The following OSBPL1A variants were observed in gnomAD, a reference collection of about 807,000 sequenced individuals.
The protein encoded by OSBPL1A is oxysterol-binding protein-related protein 1.
Under a neutral mutation model 137.1 loss-of-function variants are expected in OSBPL1A, and 80 were observed. The ratio of observed to expected loss-of-function variants is 0.58; its 90% CI spans 0.49 to 0.70. The LOEUF is 0.70. Among genes scored for constraint, OSBPL1A ranks in the 30% least tolerant of loss-of-function variants. OSBPL1A has a pLI of 0.00. For missense variants in OSBPL1A, 970 were observed against 1,129.4 expected (o/e 0.86, Z 2.02); for synonymous variants, 365 against 389.7 (o/e 0.94, Z 0.75).
chr18:24,329,631 T>C (rs2091041172), intron 7 of OSBPL1A, among the ~76,000 whole-genome samples: 1 of 151,558 alleles, frequency 6.6e-6, no homozygotes, highest in South Asian at 2.1e-4. Flanking sequence ...GGATATAACA[T>C]ACCAGTTAAT....
intron 17 of OSBPL1A, among the ~76,000 whole-genome samples, chr18:24,197,786 C>CTTTTTTTTTTT (rs1043369707): frequency 5.7e-5 from 7 of 122,806 alleles, no homozygotes; most frequent in Non-Finnish European, 8.5e-5. Context: ...CTTTTCTTTT[C>CTTTTTTTTTTT]TTTTTTTTTT....
At chr18:24,386,006 A>ACAAGGATCCTGG (rs1261194550) in intron 1 of OSBPL1A, among the ~76,000 whole-genome samples, 1 of 152,158 alleles carries the variant, frequency 6.6e-6, no homozygotes, top group Non-Finnish European at 1.5e-5. Flanking sequence ...GGCAGGAAAG[A>ACAAGGATCCTGG]CGGCAAGGAT....
At chr18:24,382,533 T>C (rs1332655775) in intron 1 of OSBPL1A, among the ~76,000 whole-genome samples, 1 of 151,532 alleles carries the variant, frequency 6.6e-6, no homozygotes, top group Non-Finnish European at 1.5e-5. Flanking sequence ...GCCAAGATCA[T>C]GCCACTGCAC....
At chr18:24,252,600 A>C (rs1404251934) in intron 15 of OSBPL1A, among the ~76,000 whole-genome samples, 1 of 152,216 alleles carries the variant, frequency 6.6e-6, no homozygotes, top group Non-Finnish European at 1.5e-5. Flanking sequence ...AATCTGAAAA[A>C]GGACATTAAC....
chr18:24,165,160 A>G lies in OSBPL1A; in HGVS notation c.2660-5T>C, dbSNP rs762208764. ...TTTTTTCTTCACTAGCTTGATCTAAAATAAGAACATCAACACAAACCATTA... is the reference window on the plus strand; with the variant it reads ...TTTTTTCTTCACTAGCTTGATCTAAGATAAGAACATCAACACAAACCATTA... On this transcript the variant is annotated splice_region_variant and splice_polypyrimidine_tract_variant and intron_variant, in intron 26 of 27. Coordinates refer to ENST00000319481, the MANE Select transcript of OSBPL1A (RefSeq NM_080597.4). The G allele has an allele frequency of 1.9e-5, 30 of 1,613,570 alleles. No individual in the cohort carries two copies. In the South Asian group the frequency reaches 2.4e-4, roughly 13 times the overall value.
At chr18:24,230,555 T>A (rs749665297) in intron 16 of OSBPL1A, among the ~76,000 whole-genome samples, 2 of 152,154 alleles carry the variant, frequency 1.3e-5, no homozygotes, top group Non-Finnish European at 2.9e-5. Flanking sequence ...CTTACCTCAT[T>A]GCCAGGAAAA....
At chr18:24,228,021 C>T (rs567219689) in intron 16 of OSBPL1A, among the ~76,000 whole-genome samples, 4 of 152,128 alleles carry the variant, frequency 2.6e-5, no homozygotes, top group South Asian at 4.2e-4. Context: ...ACATTAAACA[C>T]GGAACAGTAA....
chr18:24,192,127 C>T (rs1356124065), intron 18 of OSBPL1A, among the ~76,000 whole-genome samples: 1 of 152,132 alleles, frequency 6.6e-6, no homozygotes, highest in East Asian at 1.9e-4. Context: ...TGAACACACA[C>T]AAGGGCAGCA....
At chr18:24,307,895 T>A (rs1421657050) in intron 13 of OSBPL1A, among the ~76,000 whole-genome samples, 3 of 151,022 alleles carry the variant, frequency 2.0e-5, no homozygotes, top group Non-Finnish European at 4.4e-5. Context: ...GTTCAAGTGA[T>A]TCTCGTGCCT....
chr18:24,275,219 G>C (rs1599602037), intron 15 of OSBPL1A, among the ~76,000 whole-genome samples: 2 of 152,204 alleles, frequency 1.3e-5, no homozygotes, highest in South Asian at 4.1e-4. Flanking sequence ...TAAGGGGGTA[G>C]AGAATTCCAA....
intron 14 of OSBPL1A, 79 bp from the exon 15 acceptor site, chr18:24,281,027 T>G (rs1402914252): frequency 1.2e-6 from 1 of 832,106 alleles, no homozygotes; most frequent in South Asian, 1.8e-5. Flanking sequence ...AATACTCTCA[T>G]ATCTATTAAC....
intron 16 of OSBPL1A, among the ~76,000 whole-genome samples, chr18:24,230,263 T>C (rs1188639210): frequency 6.6e-6 from 1 of 151,894 alleles, no homozygotes; most frequent in African/African-American, 2.4e-5. Context: ...GAGGGAGGAA[T>C]GGGGAGTTGG....
intron 16 of OSBPL1A, 22 bp downstream of exon 16, chr18:24,239,198 G>A: frequency 1.2e-6 from 2 of 1,610,542 alleles, no homozygotes; most frequent in Non-Finnish European, 1.7e-6. Flanking sequence ...CAACAATGCA[G>A]AGGGAAGGAT....
chr18:24,222,825 A>G (rs1464226579), intron 17 of OSBPL1A, among the ~76,000 whole-genome samples: 1 of 152,160 alleles, frequency 6.6e-6, no homozygotes, highest in Non-Finnish European at 1.5e-5. Flanking sequence ...TCTTTAAAAA[A>G]TAGTTTATAA....
chr18:24,208,113 G>A (rs2087427857), intron 17 of OSBPL1A, among the ~76,000 whole-genome samples: 1 of 152,090 alleles, frequency 6.6e-6, no homozygotes, highest in African/African-American at 2.4e-5. Flanking sequence ...CTCTGCTGAA[G>A]TTTACTAAAC....
chr18:24,208,759 GATCT>G (rs1229849853), intron 17 of OSBPL1A, among the ~76,000 whole-genome samples: 1 of 152,150 alleles, frequency 6.6e-6, no homozygotes, highest in Non-Finnish European at 1.5e-5. Flanking sequence ...ATTAATTAGG[GATCT>G]AGAATGAGTA....
chr18:24,208,516 T>C (rs1363926666), intron 17 of OSBPL1A, among the ~76,000 whole-genome samples: 2 of 152,206 alleles, frequency 1.3e-5, no homozygotes, highest in African/African-American at 2.4e-5. Flanking sequence ...CCACAGAGAA[T>C]GCAACACATT....
chr18:24,171,004 T>C (rs536671684), intron 23 of OSBPL1A, among the ~76,000 whole-genome samples: 16 of 151,948 alleles, frequency 1.1e-4, no homozygotes, highest in African/African-American at 3.9e-4. Context: ...CTTCAACTTA[T>C]TAGAATGCTT....
At chr18:24,168,721 A>C (rs754059363) in intron 24 of OSBPL1A, among the ~76,000 whole-genome samples, 25 of 152,216 alleles carry the variant, frequency 1.6e-4, no homozygotes, top group Non-Finnish European at 4.4e-5. Context: ...AACTTCCCGC[A>C]GCGTCTGTGT....
Sources: gnomAD v4.1 joint callset for allele counts (sites outside exome capture counted in the v4.1 genomes callset) on GRCh38, gnomAD v4.1.1 for gene constraint, MANE v1.5 for transcripts, NCBI Gene and HGNC (gene_info 2026-07-23, HGNC 2026-07-21) for gene names.